The following MIS18A variants were observed in gnomAD, a reference collection of about 807,000 sequenced individuals.
MIS18A encodes MIS18 kinetochore protein A, also known as protein Mis18-alpha.
Under a neutral mutation model 25.0 loss-of-function variants are expected in MIS18A, and 14 were observed. That is an observed-to-expected ratio of 0.56 (90% CI 0.37 to 0.88). MIS18A has a LOEUF of 0.88. MIS18A is among the 40% of genes least tolerant of loss of function. The pLI is 0.00. For synonymous variants in MIS18A, 134 were observed against 118.6 expected (o/e 1.13, Z -0.84); for missense variants, 292 against 290.8 (o/e 1.00, Z -0.03).
At chr21:32,239,822 C>T in the MIS18A span, among the ~76,000 whole-genome samples, 1 of 152,168 alleles carries the variant, frequency 6.6e-6, no homozygotes, top group East Asian at 1.9e-4. Context: ...AAGAAAAGTG[C>T]TACGGGATTG....
At chr21:32,220,449 G>A in the MIS18A span, among the ~76,000 whole-genome samples, 3 of 152,094 alleles carry the variant, frequency 2.0e-5, no homozygotes, top group African/African-American at 4.8e-5. Context: ...CAAAAAGGAC[G>A]CCCACGCAAA....
chr21:32,162,720 T>G, the MIS18A span, among the ~76,000 whole-genome samples: 4 of 152,182 alleles, frequency 2.6e-5, no homozygotes, highest in African/African-American at 9.6e-5. Flanking sequence ...TGTTCAATAA[T>G]GAGTGAATGA....
At chr21:32,194,783 C>T in the MIS18A span, among the ~76,000 whole-genome samples, 9 of 152,142 alleles carry the variant, frequency 5.9e-5, no homozygotes, top group African/African-American at 2.2e-4. Context: ...AGTGCAATGA[C>T]TCAGAAACAG....
At chr21:32,258,842 ATTT>A in the MIS18A span, among the ~76,000 whole-genome samples, 1 of 110,172 alleles carries the variant, frequency 9.1e-6, no homozygotes, top group East Asian at 3.2e-4. Flanking sequence ...CATTTTATTT[ATTT>A]ATTTATTTAT....
chr21:32,237,055 C>T, the MIS18A span, among the ~76,000 whole-genome samples: 1 of 150,408 alleles, frequency 6.6e-6, no homozygotes, highest in East Asian at 1.9e-4. Context: ...TGCAACACCC[C>T]CCACCCCCGC....
the MIS18A span, chr21:32,260,544 AAG>A: frequency 6.6e-6 from 1 of 152,586 alleles, no homozygotes; most frequent in African/African-American, 2.4e-5. Context: ...GGAAGTAGCC[AAG>A]AGAGACTGCA....
At chr21:32,204,817 G>A in the MIS18A span, among the ~76,000 whole-genome samples, 1 of 151,908 alleles carries the variant, frequency 6.6e-6, no homozygotes, top group Non-Finnish European at 1.5e-5. Context: ...GGCTTAGAAG[G>A]CAGAGGCTGC....
the MIS18A span, among the ~76,000 whole-genome samples, chr21:32,234,648 G>A: frequency 2.0e-5 from 3 of 152,032 alleles, no homozygotes; most frequent in Non-Finnish European, 2.9e-5. Context: ...GTTCTCACTC[G>A]GTTCATGTGA....
At chr21:32,201,443 A>C in the MIS18A span, among the ~76,000 whole-genome samples, 2 of 152,332 alleles carry the variant, frequency 1.3e-5, no homozygotes, top group African/African-American at 4.8e-5. Context: ...GAGATTTTAA[A>C]AGCCCCAAAA....
At chr21:32,199,027 C>T in the MIS18A span, among the ~76,000 whole-genome samples, 1 of 151,966 alleles carries the variant, frequency 6.6e-6, no homozygotes, top group African/African-American at 2.4e-5. Context: ...ACATTAAGGT[C>T]ACAAAAGTGT....
At chr21:32,235,963 G>GC in the MIS18A span, among the ~76,000 whole-genome samples, 5 of 152,110 alleles carry the variant, frequency 3.3e-5, no homozygotes, top group African/African-American at 9.7e-5. Context: ...TGTCTCAAGA[G>GC]CCCCCCTGCA....
the MIS18A span, among the ~76,000 whole-genome samples, chr21:32,166,055 T>C: frequency 6.6e-6 from 1 of 152,148 alleles, no homozygotes. Context: ...GGACGGGAAC[T>C]AAATGCAGAA....
the MIS18A span, among the ~76,000 whole-genome samples, chr21:32,209,704 G>A: frequency 8.5e-5 from 13 of 152,108 alleles, no homozygotes; most frequent in African/African-American, 1.4e-4. Flanking sequence ...TCATGGGGGC[G>A]GTTACCCTAG....
At chr21:32,260,153 A>G in the MIS18A span, 1 of 147,966 alleles carries the variant, frequency 6.8e-6, no homozygotes, top group Non-Finnish European at 1.5e-5. Context: ...CCTCCAGTGT[A>G]CAAGGTCCCA....
At chr21:32,183,225 G>A in the MIS18A span, among the ~76,000 whole-genome samples, 26 of 152,158 alleles carry the variant, frequency 1.7e-4, no homozygotes, top group African/African-American at 5.3e-4. Context: ...TGCCTATCAC[G>A]GACTTCTGCT....
the MIS18A span, among the ~76,000 whole-genome samples, chr21:32,254,239 A>G: frequency 6.7e-6 from 1 of 149,442 alleles, no homozygotes; most frequent in Non-Finnish European, 1.5e-5. Context: ...CCCCGACCCC[A>G]GAAAAAGTAA....
the MIS18A span, among the ~76,000 whole-genome samples, chr21:32,235,636 T>A: frequency 2.0e-5 from 3 of 151,928 alleles, no homozygotes; most frequent in Non-Finnish European, 4.4e-5. Context: ...AAAGGAAACA[T>A]CAACAAAGAA....
intron 1 of MIS18A, chr21:32,278,176 T>A (rs1184064078): frequency 1.9e-5 from 3 of 154,138 alleles, no homozygotes; most frequent in African/African-American, 7.2e-5. Flanking sequence ...CCAGTTTTCA[T>A]GGGGTTGTTG....
At chr21:32,223,966 G>C in the MIS18A span, among the ~76,000 whole-genome samples, 1 of 152,122 alleles carries the variant, frequency 6.6e-6, no homozygotes, top group Non-Finnish European at 1.5e-5. Flanking sequence ...TGCAAGGCTG[G>C]TTCAACATAC....
Sources: gnomAD v4.1 joint callset for allele counts (sites outside exome capture counted in the v4.1 genomes callset) on GRCh38, gnomAD v4.1.1 for gene constraint, MANE v1.5 for transcripts, NCBI Gene and HGNC (gene_info 2026-07-23, HGNC 2026-07-21) for gene names.